ADCY2: variants seen among roughly 807,000 people sequenced by gnomAD.
ADCY2 encodes adenylate cyclase type 2.
A neutral mutation model predicts 125.2 loss-of-function variants in ADCY2; 31 were observed. That is an observed-to-expected ratio of 0.25 (90% CI 0.19 to 0.33). The LOEUF is 0.33. Among genes scored for constraint, ADCY2 ranks in the 10% least tolerant of loss-of-function variants. The pLI, the probability that ADCY2 is intolerant of heterozygous loss-of-function variation, is 1.00. For missense variants in ADCY2, 904 were observed against 1,418.2 expected (o/e 0.64, Z 5.82); for synonymous variants, 512 against 548.4 (o/e 0.93, Z 0.93).
At chr5:7,792,646 A>C (rs1744289561) in intron 20 of ADCY2, among the ~76,000 whole-genome samples, 1 of 152,170 alleles carries the variant, frequency 6.6e-6, no homozygotes, top group Non-Finnish European at 1.5e-5. Context: ...TGCTTGGCTT[A>C]TTCTAAGCAA....
intron 4 of ADCY2, among the ~76,000 whole-genome samples, chr5:7,634,452 G>A (rs917120684): frequency 4.6e-5 from 7 of 152,010 alleles, no homozygotes; most frequent in African/African-American, 1.5e-4. Flanking sequence ...ATGTACTTAC[G>A]GATGATGGGC....
At chr5:7,426,897 G>C (rs1464615297) in intron 2 of ADCY2, among the ~76,000 whole-genome samples, 1 of 152,136 alleles carries the variant, frequency 6.6e-6, no homozygotes, top group Non-Finnish European at 1.5e-5. Context: ...GGAGAGAAAA[G>C]CTTTGCCAAG....
At chr5:7,629,970 A>G (rs1738261302) in intron 4 of ADCY2, among the ~76,000 whole-genome samples, 2 of 152,238 alleles carry the variant, frequency 1.3e-5, no homozygotes, top group African/African-American at 4.8e-5. Context: ...TAATTTATAT[A>G]TTGTCTTTGT....
At chr5:7,785,140 G>A (rs866771508) in intron 19 of ADCY2, among the ~76,000 whole-genome samples, 2 of 152,180 alleles carry the variant, frequency 1.3e-5, no homozygotes, top group South Asian at 2.1e-4. Flanking sequence ...CAAACAAAAA[G>A]CAGTGATTTA....
Position 7,826,768 on chromosome 5 carries a change from C to T in ADCY2, c.3173C>T (p.Thr1058Ile), listed in dbSNP as rs1745494751. ...CTGCAGACCCTCGGATACACGTGCA[C>T]CTGTCGAGGAATAATCAACGTGAAA... Reference protein sequence around the residue: ...LVLQTLGYTCTCRGIINVKGK... With the variant: ...LVLQTLGYTCICRGIINVKGK... Residue 1058 changes from threonine to isoleucine, a missense_variant, in exon 25 of 25, where the codon ACC (threonine) becomes ATC (isoleucine). Around this residue, in one of 7 missense-constraint regions of ADCY2, gnomAD observed 181 missense variants for 381.6 expected, o/e 0.47. Transcript: ENST00000338316. 6.2e-7 allele frequency: 1 copy of T among 1,614,080 alleles called. No homozygotes were observed.
Position 7,792,382 on chromosome 5 carries a change from G to A in ADCY2, c.2628+2582G>A, listed in dbSNP as rs140381903. The stretch of plus-strand genomic sequence containing the variant: ...GCACTCCAGCCTCAGCAACAAGAGC[G>A]AAACTCCATCTCTAAATAAATAAAT... On this transcript the variant is annotated intron_variant, in intron 20 of 24. Coordinates refer to ENST00000338316, the MANE Select transcript of ADCY2 (RefSeq NM_020546.3). Among the ~76,000 whole-genome samples, 504 of 152,138 alleles carry A rather than the reference G, an allele frequency of 3.3e-3. 7 individuals are homozygous for A. Among genetic ancestry groups the A allele is most frequent in the African/African-American group, 0.011 (465 of 41,492 alleles).
rs76539391 is a variant in ADCY2, at chr5:7,473,284, G to A, written c.409-47454G>A. On this transcript the variant is annotated intron_variant, in intron 2 of 24. Transcript: ENST00000338316. ...GCATGGCACCCACATCTTCTGGTGG[G>A]GGCCTCCAGCTGCTTCCAACATGGC... Among the ~76,000 whole-genome samples, 1,283 of 152,236 alleles carry A rather than the reference G, an allele frequency of 8.4e-3. 20 individuals are homozygous for A. Among genetic ancestry groups the A allele is most frequent in the African/African-American group, 0.029 (1,195 of 41,518 alleles).
chr5:7,421,125 ATG>A (rs1363750217), intron 2 of ADCY2, among the ~76,000 whole-genome samples: 1 of 152,158 alleles, frequency 6.6e-6, no homozygotes, highest in Non-Finnish European at 1.5e-5. Flanking sequence ...GAATTCCAGA[ATG>A]TGTTTATTGG....
intron 15 of ADCY2, among the ~76,000 whole-genome samples, chr5:7,754,368 G>A (rs988524417): frequency 6.6e-6 from 1 of 152,084 alleles, no homozygotes; most frequent in Non-Finnish European, 1.5e-5. Flanking sequence ...ACAGTGATAT[G>A]CAATCTTAGC....
At chr5:7,545,031 C>CGA (rs987732240) in intron 3 of ADCY2, among the ~76,000 whole-genome samples, 1 of 152,102 alleles carries the variant, frequency 6.6e-6, no homozygotes, top group African/African-American at 2.4e-5. Flanking sequence ...CAGAGACCAG[C>CGA]GAGAGAGCGA....
At chr5:7,603,810 C>CT (rs1737309675) in intron 3 of ADCY2, among the ~76,000 whole-genome samples, 3 of 60,402 alleles carry the variant, frequency 5.0e-5, no homozygotes, top group African/African-American at 1.7e-4. Context: ...TTTTTTTTTT[C>CT]TTTTGTTTTT....
At chr5:7,615,347 C>G (rs16878822) in intron 3 of ADCY2, among the ~76,000 whole-genome samples, 1,621 of 152,228 alleles carry the variant, frequency 0.011, 31 homozygotes, top group African/African-American at 0.037. Flanking sequence ...GCTGGTTTTC[C>G]GGCCAATAAT....
At chr5:7,761,024 A>G (rs1470645527) in intron 16 of ADCY2, among the ~76,000 whole-genome samples, 1 of 151,444 alleles carries the variant, frequency 6.6e-6, no homozygotes, top group African/African-American at 2.4e-5. Context: ...GGCTTATTTC[A>G]CTTAGCATAA....
chr5:7,778,612 G>A (rs1208619757), intron 18 of ADCY2, among the ~76,000 whole-genome samples: 3 of 152,240 alleles, frequency 2.0e-5, no homozygotes, highest in Non-Finnish European at 4.4e-5. Context: ...ATCAGGAAGA[G>A]CATTGGAGAT....
In ADCY2 at chr5:7,709,477, C is replaced by T; in HGVS notation, c.1578+90C>T. On this transcript the variant is annotated intron_variant, in intron 10 of 24. Coordinates refer to ENST00000338316, the MANE Select transcript of ADCY2 (RefSeq NM_020546.3). This position sits in a 1 kb window ranked among gnomAD's most constrained non-coding sequence, Gnocchi z 4.4. The stretch of plus-strand genomic sequence containing the variant: ...CTGGGCATCTCCTGCCAAAATAACT[C>T]CTTTCTGTAAGAAACAAACTTATCA... 4 of 1,394,684 alleles carry T rather than the reference C, an allele frequency of 2.9e-6. No homozygotes were observed. The South Asian group carries it at 4.6e-5, about 16-fold the overall frequency. 86.4% of individuals were successfully genotyped at this position (1,394,684 alleles called of 1,614,324 possible). A position where few individuals can be genotyped will look rare whatever the true frequency, so the allele number is the denominator to read the frequency against.
At chr5:7,570,223 A>G (rs1359104276) in intron 3 of ADCY2, among the ~76,000 whole-genome samples, 1 of 152,146 alleles carries the variant, frequency 6.6e-6, no homozygotes, top group Non-Finnish European at 1.5e-5. Flanking sequence ...CAAAATGAAA[A>G]CATAGAAAAT....
chr5:7,587,067 T>A (rs1736652534), intron 3 of ADCY2, among the ~76,000 whole-genome samples: 1 of 151,394 alleles, frequency 6.6e-6, no homozygotes, highest in Admixed American at 6.5e-5. Context: ...AGGCTCAGAT[T>A]TGAAGAGAGT....
chr5:7,505,419 G>A (rs73737707), intron 2 of ADCY2, among the ~76,000 whole-genome samples: 1,639 of 152,288 alleles, frequency 0.011, 30 homozygotes, highest in African/African-American at 0.037. Context: ...AGGCAGTGGT[G>A]CTTTAATTAT....
At chr5:7,677,258 A>G (rs372614501) in intron 4 of ADCY2, among the ~76,000 whole-genome samples, 7 of 152,154 alleles carry the variant, frequency 4.6e-5, no homozygotes, top group African/African-American at 1.7e-4. Flanking sequence ...AGCCTGAGCA[A>G]CAAAAGAGAA....
Sources: allele counts gnomAD v4.1 joint callset (sites outside exome capture counted in the v4.1 genomes callset), GRCh38; gene constraint gnomAD v4.1.1; regional missense constraint gnomAD v4.1.1; non-coding constraint Gnocchi (gnomAD v3.1); transcripts MANE v1.5; gene names NCBI Gene and HGNC (gene_info 2026-07-23, HGNC 2026-07-21).